Variants in MEIS1 observed in about 807,000 individuals in gnomAD.
The protein encoded by MEIS1 is Meis homeobox 1.
Under a neutral mutation model 50.8 loss-of-function variants are expected in MEIS1, and 5 were observed. The ratio of observed to expected loss-of-function variants is 0.10; its 90% CI spans 0.05 to 0.21. MEIS1 has a LOEUF of 0.21. Among genes scored for constraint, MEIS1 ranks in the 10% least tolerant of loss-of-function variants. The probability of loss-of-function intolerance (pLI) is 1.00; values close to 1 mark genes in which losing one functional copy is unlikely to be tolerated. For missense variants in MEIS1, 318 were observed against 517.3 expected, an observed-to-expected ratio of 0.61 and a Z score of 3.74; for synonymous variants, 176 against 179.3, an observed-to-expected ratio of 0.98 and a Z score of 0.15.
chr2:66,499,630 T>C (rs1673499192), intron 7 of MEIS1, among the ~76,000 whole-genome samples: 1 of 150,114 alleles, frequency 6.7e-6, no homozygotes, highest in Non-Finnish European at 1.5e-5. Flanking sequence ...CGAATCATAG[T>C]GCTCATTGCT....
intron 12 of MEIS1, chr2:66,569,704 A>C (rs1176410947): frequency 1.3e-5 from 2 of 152,840 alleles, no homozygotes; most frequent in Non-Finnish European, 2.9e-5. Context: ...TAATGGGATT[A>C]CGTGTGGCAA....
Position 66,527,934 on chromosome 2 carries a change from A to G in MEIS1, c.888+15640A>G, listed in dbSNP as rs7600442. Among the ~76,000 whole-genome samples the G allele has an allele frequency of 3.7e-3, 564 of 152,246 alleles. 4 individuals carry two copies. The highest frequency in any genetic ancestry group is 0.013 in the African/African-American group (545 of 41,548). ...GAGGGCCTACTATGTACAAGGAACCATATACATCCGGAACGTTCTATGATG... is the reference window on the plus strand; with the variant it reads ...GAGGGCCTACTATGTACAAGGAACCGTATACATCCGGAACGTTCTATGATG... On this transcript the variant is annotated intron_variant, in intron 8 of 12. Coordinates refer to ENST00000272369, the MANE Select transcript of MEIS1 (RefSeq NM_002398.3).
intron 7 of MEIS1, among the ~76,000 whole-genome samples, chr2:66,504,585 G>C (rs1673643048): frequency 6.6e-6 from 1 of 152,198 alleles, no homozygotes; most frequent in African/African-American, 2.4e-5. Flanking sequence ...CTGCTAGAAA[G>C]GAAAAGCTTG....
chr2:66,442,505 A>G (rs1672019679), intron 5 of MEIS1, among the ~76,000 whole-genome samples: 1 of 152,164 alleles, frequency 6.6e-6, no homozygotes, highest in South Asian at 2.1e-4. Flanking sequence ...ATATATGTGC[A>G]TATATACACA....
At chr2:66,531,789 A>G (rs1168294587) in intron 8 of MEIS1, among the ~76,000 whole-genome samples, 1 of 152,232 alleles carries the variant, frequency 6.6e-6, no homozygotes, top group Non-Finnish European at 1.5e-5. Context: ...GCCTGACTGC[A>G]GCAGGGCCAA....
At chr2:66,512,078 C>T in intron 7 of MEIS1, 71 bp from the exon 8 acceptor site, 1 of 1,440,000 alleles carries the variant, frequency 6.9e-7, no homozygotes, top group Non-Finnish European at 9.2e-7. Context: ...TTGTTTATAT[C>T]CAAAGGCATT....
intron 8 of MEIS1, among the ~76,000 whole-genome samples, chr2:66,538,895 T>C: frequency 6.6e-6 from 1 of 152,112 alleles, no homozygotes; most frequent in Non-Finnish European, 1.5e-5. Context: ...TTTTTTTTTG[T>C]TTGTTTGTTT....
chr2:66,497,137 C>T (rs1469539901), intron 7 of MEIS1, among the ~76,000 whole-genome samples: 4 of 152,118 alleles, frequency 2.6e-5, no homozygotes, highest in South Asian at 2.1e-4. Flanking sequence ...ACTGTCTCTA[C>T]CCTCAGATAC....
chr2:66,463,164 C>T (rs1672558646), intron 6 of MEIS1, among the ~76,000 whole-genome samples: 1 of 151,478 alleles, frequency 6.6e-6, no homozygotes, highest in African/African-American at 2.4e-5. Flanking sequence ...TGAAGCCTGA[C>T]CTTATATGAT....
chr2:66,545,472 G>A (rs1572894225), intron 8 of MEIS1, among the ~76,000 whole-genome samples: 1 of 152,258 alleles, frequency 6.6e-6, no homozygotes, highest in Middle Eastern at 3.4e-3. Context: ...TTAGAACTCT[G>A]GATGACAAAA....
chr2:66,465,296 T>C (rs1419428680), intron 7 of MEIS1, among the ~76,000 whole-genome samples: 1 of 152,240 alleles, frequency 6.6e-6, no homozygotes, highest in East Asian at 1.9e-4. Flanking sequence ...GACATTTTAT[T>C]GTTCAAAGAA....
intron 8 of MEIS1, among the ~76,000 whole-genome samples, chr2:66,525,610 A>G (rs1674229951): frequency 6.6e-6 from 1 of 152,250 alleles, no homozygotes; most frequent in Non-Finnish European, 1.5e-5. Flanking sequence ...CCTTTTGAAT[A>G]TCAAAGCACT....
intron 8 of MEIS1, among the ~76,000 whole-genome samples, chr2:66,529,846 C>A (rs1383797501): frequency 2.0e-5 from 3 of 152,156 alleles, no homozygotes; most frequent in Non-Finnish European, 4.4e-5. Flanking sequence ...ATTCAGCTAT[C>A]TTTCCTGGAA....
intron 9 of MEIS1, among the ~76,000 whole-genome samples, chr2:66,552,028 G>GAC (rs71980656): frequency 0.36 from 52,896 of 147,102 alleles, 9,452 homozygotes; most frequent in Middle Eastern, 0.4. Flanking sequence ...CTTTATGGAA[G>GAC]ACACACACAC....
chr2:66,547,175 A>G (rs1012815589), intron 8 of MEIS1, among the ~76,000 whole-genome samples: 6 of 152,220 alleles, frequency 3.9e-5, no homozygotes, highest in Non-Finnish European at 7.3e-5. Context: ...ATTTGTGCCA[A>G]AACTAATTTC....
intron 7 of MEIS1, among the ~76,000 whole-genome samples, chr2:66,496,548 G>A (rs570880542): frequency 2.0e-5 from 3 of 152,272 alleles, no homozygotes; most frequent in Admixed American, 6.5e-5. Context: ...GACGTGGAGC[G>A]ATACTTGAAA....
At chr2:66,461,765 A>G in intron 6 of MEIS1, 1 of 427,390 alleles carries the variant, frequency 2.3e-6, no homozygotes, top group Non-Finnish European at 4.8e-6. Flanking sequence ...CTAAGGCCCA[A>G]CACAATGAAA....
chr2:66,528,927 C>A (rs1674323625), intron 8 of MEIS1, among the ~76,000 whole-genome samples: 4 of 152,134 alleles, frequency 2.6e-5, no homozygotes, highest in Admixed American at 2.6e-4. Flanking sequence ...CCATGCATGC[C>A]ATGCTGCAGC....
intron 8 of MEIS1, among the ~76,000 whole-genome samples, chr2:66,537,445 C>T (rs1046098700): frequency 1.3e-5 from 2 of 152,174 alleles, no homozygotes; most frequent in African/African-American, 4.8e-5. Context: ...TACATCATCA[C>T]TGTAATTTAA....
Sources: allele counts gnomAD v4.1 joint callset (sites outside exome capture counted in the v4.1 genomes callset), GRCh38; gene constraint gnomAD v4.1.1; transcripts MANE v1.5; gene names NCBI Gene and HGNC (gene_info 2026-07-23, HGNC 2026-07-21).